The following PDE12 variants were observed in gnomAD, a reference collection of about 807,000 sequenced individuals.
The protein encoded by PDE12 is 2',5'-phosphodiesterase 12.
Under a neutral mutation model 45.4 loss-of-function variants are expected in PDE12, and 26 were observed. That is an observed-to-expected ratio of 0.57 (90% confidence interval 0.42 to 0.79). The LOEUF (loss-of-function observed/expected upper bound fraction) is 0.79. Ranked by LOEUF, PDE12 falls within the 30% of genes least tolerant of loss-of-function variation. The pLI is 0.00. For missense variants in PDE12, 668 were observed against 790.0 expected, an observed-to-expected ratio of 0.85 and a Z score of 1.85; for synonymous variants, 283 against 323.9, an observed-to-expected ratio of 0.87 and a Z score of 1.36.
chr3:57,646,089 A>T, the PDE12 span, among the ~76,000 whole-genome samples: 118 of 152,340 alleles, frequency 7.7e-4, 1 homozygote, highest in Non-Finnish European at 1.2e-3. Context: ...CCTGCCACTC[A>T]GAACAACAAA....
the PDE12 span, chr3:57,628,830 A>T: frequency 6.2e-7 from 1 of 1,612,136 alleles, no homozygotes; most frequent in Non-Finnish European, 8.5e-7. Context: ...TTTCAGCTTC[A>T]AGACAAGGTC....
chr3:57,651,710 C>A, the PDE12 span, among the ~76,000 whole-genome samples: 2 of 151,858 alleles, frequency 1.3e-5, no homozygotes, highest in South Asian at 4.2e-4. Context: ...AAGATAAACC[C>A]GGAATATCTC....
At chr3:57,606,312 G>A in the PDE12 span, among the ~76,000 whole-genome samples, 1 of 152,264 alleles carries the variant, frequency 6.6e-6, no homozygotes, top group African/African-American at 2.4e-5. Flanking sequence ...AAACATTGCA[G>A]ACAAGAAGTG....
the PDE12 span, among the ~76,000 whole-genome samples, chr3:57,593,973 T>C: frequency 2.0e-5 from 3 of 152,242 alleles, no homozygotes; most frequent in African/African-American, 7.2e-5. Context: ...ATACAGAAGC[T>C]GGCTGGGTGT....
chr3:57,566,352 T>C lies in PDE12; in HGVS notation c.*6348T>C, dbSNP rs934069920. On this transcript the variant is annotated 3_prime_UTR_variant, in exon 3 of 3. Transcript: ENST00000311180. Reference sequence around the variant, plus strand: ...TTTTTATGATGAATGTTCCATCTTATGGACGTACCACATTTGTCCATTCAT... The same window carrying C: ...TTTTTATGATGAATGTTCCATCTTACGGACGTACCACATTTGTCCATTCAT... The C allele has an allele frequency of 6.6e-6, 1 of 152,258 alleles. No individual in the cohort carries two copies. Among genetic ancestry groups the C allele is most frequent in the Non-Finnish European group, 1.5e-5 (1 of 68,040 alleles). 9.4% of individuals were successfully genotyped at this position (152,258 alleles called of 1,614,324 possible).
chr3:57,648,630 T>C, the PDE12 span, among the ~76,000 whole-genome samples: 1 of 152,114 alleles, frequency 6.6e-6, no homozygotes, highest in Admixed American at 6.6e-5. Context: ...TGTAAAGCCA[T>C]AGTCATCAAA....
downstream of PDE12, among the ~76,000 whole-genome samples, chr3:57,570,529 T>C (rs2069830285): frequency 6.6e-6 from 1 of 152,094 alleles, no homozygotes; most frequent in Admixed American, 6.6e-5. Context: ...TTGTTATTTA[T>C]TTGACAATTC....
chr3:57,598,184 A>T, the PDE12 span: 1 of 149,676 alleles, frequency 6.7e-6, no homozygotes, highest in Non-Finnish European at 1.5e-5. Context: ...GCGGTGACTC[A>T]CCGCGCCCGG....
chr3:57,623,450 G>A, the PDE12 span, among the ~76,000 whole-genome samples: 39 of 152,152 alleles, frequency 2.6e-4, no homozygotes, highest in East Asian at 3.1e-3. Context: ...AGGCTGAGGC[G>A]GGTGGATCAC....
At chr3:57,654,872 T>C in the PDE12 span, 9 of 800,012 alleles carry the variant, frequency 1.1e-5, no homozygotes, top group Non-Finnish European at 1.1e-5. Context: ...ATGTAAACTT[T>C]CATTCACACT....
the PDE12 span, among the ~76,000 whole-genome samples, chr3:57,643,625 C>T: frequency 9.3e-4 from 141 of 151,688 alleles, no homozygotes; most frequent in African/African-American, 3.2e-3. Context: ...GTCAGGAGTT[C>T]GAGCCAGTCT....
chr3:57,574,917 C>T, the PDE12 span, among the ~76,000 whole-genome samples: 1 of 151,074 alleles, frequency 6.6e-6, no homozygotes, highest in African/African-American at 2.4e-5. Context: ...GGCGCGATCG[C>T]GACTCACCGC....
At chr3:57,616,247 C>A in the PDE12 span, among the ~76,000 whole-genome samples, 1,518 of 152,084 alleles carry the variant, frequency 1.0e-2, 23 homozygotes, top group African/African-American at 0.034. Context: ...TCACTTGAGC[C>A]CAGCAGAGAG....
the PDE12 span, among the ~76,000 whole-genome samples, chr3:57,640,777 T>G: frequency 3.3e-5 from 5 of 152,220 alleles, 1 homozygote; most frequent in East Asian, 9.7e-4. Context: ...GAAATAAATG[T>G]CAAGATTAAA....
chr3:57,634,864 A>C, the PDE12 span: 1 of 1,010,848 alleles, frequency 9.9e-7, no homozygotes, highest in Non-Finnish European at 1.4e-6. Context: ...TTATTACTTA[A>C]GTATGTTATA....
downstream of PDE12, among the ~76,000 whole-genome samples, chr3:57,568,926 T>G (rs2153407997): frequency 1.3e-5 from 2 of 152,044 alleles, no homozygotes; most frequent in South Asian, 4.2e-4. Flanking sequence ...TATCCTCAAC[T>G]CTGATGCTGC....
chr3:57,633,997 C>A, the PDE12 span, among the ~76,000 whole-genome samples: 1 of 151,964 alleles, frequency 6.6e-6, no homozygotes, highest in Admixed American at 6.6e-5. Flanking sequence ...CTGTTAGATG[C>A]TATCATGGTA....
In PDE12 at chr3:57,556,850, G is replaced by A; in HGVS notation, c.471G>A (p.Val157=). The change falls in exon 1 of 3, where the codon GTG becomes GTA. Residue 157 remains valine (V), a synonymous_variant. Transcript: ENST00000311180. The surrounding 1 kb of genome is among the most constrained non-coding windows in gnomAD (Gnocchi z 5.0). ...VLQIGDVKYK[V]ERNPPAFTEL... ...AGATCGGCGATGTTAAGTACAAGGT[G>A]GAGCGCAACCCGCCCGCCTTCACCG... The A allele has an allele frequency of 6.2e-7, 1 of 1,614,062 alleles. No individual in the cohort carries two copies. Among genetic ancestry groups the A allele is most frequent in the Non-Finnish European group, 8.5e-7 (1 of 1,180,028 alleles).
At chr3:57,575,845 CAG>C in the PDE12 span, among the ~76,000 whole-genome samples, 392 of 152,274 alleles carry the variant, frequency 2.6e-3, 1 homozygote, top group African/African-American at 8.7e-3. Context: ...TTTTTAAATC[CAG>C]AGCAAACAAT....
Sources: allele counts gnomAD v4.1 joint callset (sites outside exome capture counted in the v4.1 genomes callset), GRCh38; gene constraint gnomAD v4.1.1; non-coding constraint Gnocchi (gnomAD v3.1); transcripts MANE v1.5; gene names NCBI Gene and HGNC (gene_info 2026-07-23, HGNC 2026-07-21).